LRRC41: variants seen among roughly 807,000 people sequenced by gnomAD.
LRRC41 encodes leucine rich repeat containing 41.
LRRC41 carries 17 observed loss-of-function variants against 72.1 expected under a neutral mutation model. The observed-to-expected ratio is 0.24, with a 90% CI of 0.16 to 0.35. The LOEUF (loss-of-function observed/expected upper bound fraction) is 0.35, where lower values mean the gene tolerates loss of function less well. Ranked by LOEUF, LRRC41 falls within the 10% of genes least tolerant of loss-of-function variation. The pLI is 1.00. For synonymous variants in LRRC41, 427 were observed against 431.0 expected (o/e 0.99, Z 0.11); for missense variants, 759 against 1,065.0 (o/e 0.71, Z 4.00).
At position 46,302,892 on chromosome 1, in the gene LRRC41, C is replaced by A; in HGVS notation, c.199+232G>T. The A allele has an allele frequency of 2.0e-6, 2 of 985,132 alleles. No homozygotes were observed. Among genetic ancestry groups the A allele is most frequent in the South Asian group, 4.7e-5 (1 of 21,262 alleles). 61.0% of individuals were successfully genotyped at this position (985,132 alleles called of 1,614,324 possible). On this transcript the variant is annotated intron_variant, in intron 1 of 9. Transcript: ENST00000617190. This position sits in a 1 kb window ranked among gnomAD's most constrained non-coding sequence, Gnocchi z 4.7. The stretch of plus-strand genomic sequence containing the variant: ...CCAGACCGGGCCTCCTGGCCTCGCC[C>A]CCCGCGCCCCCGAGCCAGGCCGCGG...
At chr1:46,281,913 T>C (rs931466348) in intron 4 of LRRC41, among the ~76,000 whole-genome samples, 1 of 152,134 alleles carries the variant, frequency 6.6e-6, no homozygotes, top group Non-Finnish European at 1.5e-5. Context: ...ACCCTGTCTC[T>C]ACTAAAAATA....
chr1:46,278,167 C>G lies in LRRC41; in HGVS notation c.*698G>C, dbSNP rs142058773. ...GACCTGGCAGGGTGGAACCACTGCA[C>G]TGATAAGTGGGGGCTCCGGGATGAG... is the stretch of plus-strand genomic sequence containing the variant. On this transcript the variant is annotated 3_prime_UTR_variant, in exon 10 of 10. Transcript: ENST00000617190. 89 of 1,613,746 alleles carry G rather than the reference C, an allele frequency of 5.5e-5. No individual in the cohort carries two copies. Among genetic ancestry groups the G allele is most frequent in the Non-Finnish European group, 7.2e-5 (85 of 1,179,892 alleles).
At chr1:46,289,843 T>C (rs1195770798) in intron 3 of LRRC41, among the ~76,000 whole-genome samples, 2 of 152,180 alleles carry the variant, frequency 1.3e-5, no homozygotes, top group African/African-American at 4.8e-5. Context: ...TATGGACTCG[T>C]ATGCTATCAC....
At position 46,290,916 on chromosome 1, in the gene LRRC41, G is replaced by GTTTTT. The variant is rs71062750; in HGVS notation, c.358-4422_358-4418dup. On this transcript the variant is annotated intron_variant, in intron 3 of 9. Transcript: ENST00000617190. The stretch of plus-strand genomic sequence containing the variant: ...AGCCACCATGCCCGGCCTGTTTCTA[G>GTTTTT]TTTTTTTTTTTTTTTTTTTTTTTTT... Among the ~76,000 whole-genome samples, 19 of 65,724 alleles carry GTTTTT rather than the reference G, an allele frequency of 2.9e-4. 1 individual carries two copies. The highest frequency in any genetic ancestry group is 4.9e-4 in the East Asian group (1 of 2,058). 43.1% of individuals were successfully genotyped at this position (65,724 alleles called of 152,430 possible).
At chr1:46,283,272 A>ATG (rs917227248) in intron 4 of LRRC41, among the ~76,000 whole-genome samples, 1 of 152,164 alleles carries the variant, frequency 6.6e-6, no homozygotes, top group Admixed American at 6.6e-5. Flanking sequence ...GTAGTGGGTA[A>ATG]TGGTAGCTTG....
In LRRC41 at chr1:46,302,896, G is replaced by A; in HGVS notation, c.199+228C>T. ...ACCGGGCCTCCTGGCCTCGCCCCCC[G>A]CGCCCCCGAGCCAGGCCGCGGTGCG... On this transcript the variant is annotated intron_variant, in intron 1 of 9. Coordinates refer to ENST00000617190, the MANE Select transcript of LRRC41 (RefSeq NM_006369.5). This position sits in a 1 kb window ranked among gnomAD's most constrained non-coding sequence, Gnocchi z 4.7. 1.0e-6 allele frequency: 1 copy of A among 984,800 alleles called. No homozygotes were observed. The highest frequency in any genetic ancestry group is 1.2e-6 in the Non-Finnish European group (1 of 829,732). 61.0% of individuals were successfully genotyped at this position (984,800 alleles called of 1,614,324 possible).
Position 46,302,903 on chromosome 1 carries a change from C to G in LRRC41, c.199+221G>C. On this transcript the variant is annotated intron_variant, in intron 1 of 9. Coordinates refer to ENST00000617190, the MANE Select transcript of LRRC41 (RefSeq NM_006369.5). The surrounding 1 kb of genome is among the most constrained non-coding windows in gnomAD (Gnocchi z 4.7). ...CTCCTGGCCTCGCCCCCCGCGCCCC[C>G]GAGCCAGGCCGCGGTGCGGGTCAGC... The G allele has an allele frequency of 6.1e-6, 6 of 984,902 alleles. No individual in the cohort carries two copies. The highest frequency in any genetic ancestry group is 7.2e-6 in the Non-Finnish European group (6 of 829,756). The allele number at this position is 984,902 out of a possible 1,614,324, so 61.0% of individuals were successfully genotyped here.
intron 3 of LRRC41, among the ~76,000 whole-genome samples, chr1:46,295,614 C>A (rs1661108166): frequency 6.6e-6 from 1 of 152,162 alleles, no homozygotes; most frequent in Admixed American, 6.5e-5. Flanking sequence ...GTTGGGCCAC[C>A]AAGCCTGGGG....
rs1230841518 is a variant in LRRC41 at position 46,283,987 on chromosome 1, G to GA, written c.1495+1374dup. Among the ~76,000 whole-genome samples, 3 of 151,834 alleles carry GA rather than the reference G, an allele frequency of 2.0e-5. No individual in the cohort carries two copies. The East Asian group carries it at 5.8e-4, about 29-fold the overall frequency. ...CCAAGAAAACATTTTTTAAGGTAGT[G>GA]AAAAAAAATTTAATGAACAGCAGTA... On this transcript the variant is annotated intron_variant, in intron 4 of 9. Coordinates refer to ENST00000617190, the MANE Select transcript of LRRC41 (RefSeq NM_006369.5).
Position 46,281,194 on chromosome 1 carries a change from G to T in LRRC41, c.1687C>A (p.Arg563=), listed in dbSNP as rs745757849. The T allele has an allele frequency of 3.1e-6, 5 of 1,614,042 alleles. No individual in the cohort carries two copies. In the African/African-American group the frequency reaches 6.7e-5, roughly 22 times the overall value. ...LSIRVDHPSQ[R]DNPGVPGNAG... Reference sequence around the variant, plus strand: ...TTCCCTGGCACACCAGGGTTGTCCCGCTGGCTTGGGTGGTCAACACGAATA... The same window carrying T: ...TTCCCTGGCACACCAGGGTTGTCCCTCTGGCTTGGGTGGTCAACACGAATA... Residue 563 remains arginine, a synonymous_variant, in exon 5 of 10, where the codon CGG becomes AGG. Coordinates refer to ENST00000617190, the MANE Select transcript of LRRC41 (RefSeq NM_006369.5).
intron 2 of LRRC41, 97 bp downstream of exon 2, chr1:46,298,187 G>T (rs938836677): frequency 3.4e-5 from 29 of 859,306 alleles, no homozygotes; most frequent in African/African-American, 5.2e-5. Flanking sequence ...TGAAAAGCAC[G>T]AAGTTCTAGC....
Position 46,298,287 on chromosome 1 carries a change from T to C in LRRC41, c.283A>G (p.Lys95Glu). Residue 95 changes from lysine (K) to glutamate (E), a missense_variant, in exon 2 of 10, where the codon AAA becomes GAA. Around this residue, in one of 4 missense-constraint regions of LRRC41, gnomAD observed 116 missense variants for 250.9 expected, o/e 0.46. Transcript: ENST00000617190. ...AAAGAGACAGAAAGATACTCACCTT[T>C]CTTGAGGGCAGTTTCCTCAATCCTC... is the stretch of plus-strand genomic sequence containing the variant. ...LERIEETALK[K>E]GLSTQAIWRR... 1 of 1,599,406 alleles carries C rather than the reference T, an allele frequency of 6.3e-7. No individual in the cohort carries two copies. The highest frequency in any genetic ancestry group is 2.2e-5 in the East Asian group (1 of 44,602).
intron 3 of LRRC41, among the ~76,000 whole-genome samples, chr1:46,288,925 C>T (rs1255609211): frequency 1.3e-5 from 2 of 152,170 alleles, no homozygotes; most frequent in Non-Finnish European, 2.9e-5. Context: ...ATTTGCTGGC[C>T]CACACCCAGT....
intron 3 of LRRC41, among the ~76,000 whole-genome samples, chr1:46,296,416 TCAAA>T (rs1400702887): frequency 6.6e-6 from 1 of 150,622 alleles, no homozygotes; most frequent in Non-Finnish European, 1.5e-5. Context: ...AAACTCCGTC[TCAAA>T]CAAAACAAAA....
intron 5 of LRRC41, 27 bp from the exon 6 acceptor site, chr1:46,280,587 C>T (rs1660752443): frequency 5.0e-6 from 8 of 1,609,420 alleles, no homozygotes; most frequent in Non-Finnish European, 6.8e-6. Context: ...AAGAAGATTC[C>T]AGCTGGCCAT....
At chr1:46,282,091 A>G (rs1159275028) in intron 4 of LRRC41, among the ~76,000 whole-genome samples, 1 of 152,074 alleles carries the variant, frequency 6.6e-6, no homozygotes, top group Non-Finnish European at 1.5e-5. Flanking sequence ...AAAAAAAAAA[A>G]ATCACAGCTA....
intron 2 of LRRC41, 48 bp from the exon 3 acceptor site, chr1:46,297,681 A>G: frequency 7.6e-7 from 1 of 1,324,282 alleles, no homozygotes; most frequent in Non-Finnish European, 1.1e-6. Flanking sequence ...CACCATGAGT[A>G]AAGTACATCA....
intron 4 of LRRC41, among the ~76,000 whole-genome samples, chr1:46,282,466 G>A (rs980771716): frequency 6.6e-6 from 1 of 152,202 alleles, no homozygotes; most frequent in African/African-American, 2.4e-5. Flanking sequence ...AGACACTAGT[G>A]AGCAGCACAT....
At chr1:46,295,160 G>A (rs1234988327) in intron 3 of LRRC41, among the ~76,000 whole-genome samples, 1 of 152,002 alleles carries the variant, frequency 6.6e-6, no homozygotes, top group African/African-American at 2.4e-5. Flanking sequence ...CCCAGGCTCA[G>A]GTGATCCTCC....
Sources: allele counts gnomAD v4.1 joint callset (sites outside exome capture counted in the v4.1 genomes callset), GRCh38; gene constraint gnomAD v4.1.1; regional missense constraint gnomAD v4.1.1; non-coding constraint Gnocchi (gnomAD v3.1); transcripts MANE v1.5; gene names NCBI Gene and HGNC (gene_info 2026-07-23, HGNC 2026-07-21).